Variants in FLNC observed in about 807,000 individuals in gnomAD.
FLNC encodes filamin C.
In FLNC, 91 loss-of-function variants were observed where a neutral mutation model predicts 254.3. The observed-to-expected ratio is 0.36, with a 90% CI of 0.30 to 0.43. The LOEUF (loss-of-function observed/expected upper bound fraction) is 0.43, where lower values mean the gene tolerates loss of function less well. Among genes scored for constraint, FLNC ranks in the 20% least tolerant of loss-of-function variants. The pLI is 1.00. For missense variants in FLNC, 2,853 were observed against 3,802.6 expected, an observed-to-expected ratio of 0.75 and a Z score of 6.57; for synonymous variants, 1,430 against 1,577.2, an observed-to-expected ratio of 0.91 and a Z score of 2.21.
chr7:128,835,609 A>G lies in FLNC; in HGVS notation c.601+35A>G, dbSNP rs750973262. The G allele has an allele frequency of 1.7e-5, 28 of 1,607,966 alleles. No homozygotes were observed. The African/African-American group carries it at 3.1e-4, about 18-fold the overall frequency. ...CCAGTGAGCACAGCATGGAGCCCTT[A>G]GCTCCCAAAGACAGAGGGGACAAGC... On this transcript the variant is annotated intron_variant, in intron 2 of 47. Transcript: ENST00000325888. This position sits in a 1 kb window ranked among gnomAD's most constrained non-coding sequence, Gnocchi z 5.3.
chr7:128,857,377 C>A lies in FLNC; in HGVS notation c.7780+41C>A. Reference sequence around the variant, plus strand: ...GGGGAGGTCCACCCAGCCTGCAGCCCAGCCCAGCCTGGAGGGCTCCGGTGG... The same window carrying A: ...GGGGAGGTCCACCCAGCCTGCAGCCAAGCCCAGCCTGGAGGGCTCCGGTGG... On this transcript the variant is annotated intron_variant, in intron 46 of 47. Coordinates refer to ENST00000325888, the MANE Select transcript of FLNC (RefSeq NM_001458.5). The surrounding 1 kb of genome is among the most constrained non-coding windows in gnomAD (Gnocchi z 4.5). The A allele has an allele frequency of 1.3e-6, 2 of 1,483,040 alleles. No homozygotes were observed. Among genetic ancestry groups the A allele is most frequent in the Non-Finnish European group, 1.9e-6 (2 of 1,066,336 alleles). 91.9% of individuals were successfully genotyped at this position (1,483,040 alleles called of 1,614,324 possible). A position where few individuals can be genotyped will look rare whatever the true frequency, so the allele number is the denominator to read the frequency against.
rs1250140261 is a variant in FLNC, at chr7:128,837,984, T to C, written c.970-3T>C. On this transcript the variant is annotated splice_polypyrimidine_tract_variant and splice_region_variant and intron_variant, in intron 5 of 47. Coordinates refer to ENST00000325888, the MANE Select transcript of FLNC (RefSeq NM_001458.5). ...GGCTTCCAATCTTTTTCCTTCCTAA[T>C]AGGCTAAGGTGGTTCCCAACAATGA... The C allele has an allele frequency of 1.2e-6, 2 of 1,613,380 alleles. No homozygotes were observed. The highest frequency in any genetic ancestry group is 2.2e-5 in the East Asian group (1 of 44,884).
intron 26 of FLNC, 89 bp from the exon 27 acceptor site, chr7:128,848,472 A>G (rs753364803): frequency 3.5e-5 from 47 of 1,359,750 alleles, no homozygotes; most frequent in Non-Finnish European, 4.9e-5. Context: ...GCCCATGTCT[A>G]TGGGGAGGAC....
In FLNC at chr7:128,830,929, G is replaced by C. The variant is rs1195481399; in HGVS notation, c.292G>C (p.Glu98Gln). 1.1e-5 allele frequency: 18 copies of C among 1,612,798 alleles called. No homozygotes were observed. Among genetic ancestry groups the C allele is most frequent in the Non-Finnish European group, 1.5e-5 (18 of 1,179,968 alleles). ...CCCCAACTTCCGCCAAATGAAGCTGGAGAACGTGTCCGTGGCCCTCGAGTT... is the reference window on the plus strand; with the variant it reads ...CCCCAACTTCCGCCAAATGAAGCTGCAGAACGTGTCCGTGGCCCTCGAGTT... ...PRPNFRQMKLENVSVALEFLE... is the reference protein window; with the variant it reads ...PRPNFRQMKLQNVSVALEFLE... Residue 98 changes from glutamate (E) to glutamine (Q), a missense_variant, in exon 1 of 48, where the codon GAG (glutamate) becomes CAG (glutamine). By Grantham distance (29) the Glu-to-Gln change is conservative. Transcript: ENST00000325888.
At chr7:128,843,943 G>T in intron 19 of FLNC, 30 bp downstream of exon 19, 2 of 1,614,042 alleles carry the variant, frequency 1.2e-6, no homozygotes, top group East Asian at 2.2e-5. Context: ...CCCTGGGAGT[G>T]AGGGGTATTC....
Position 128,841,701 on chromosome 7 carries a change from T to A in FLNC, c.2121+134T>A. The stretch of plus-strand genomic sequence containing the variant: ...GAAGATCAGGCAGGACTGATACTCA[T>A]GGGCCCATCAGTACCATGGAAAATT... On this transcript the variant is annotated intron_variant, in intron 13 of 47. Coordinates refer to ENST00000325888, the MANE Select transcript of FLNC (RefSeq NM_001458.5). This position sits in a 1 kb window ranked among gnomAD's most constrained non-coding sequence, Gnocchi z 4.3. 4 of 750,422 alleles carry A rather than the reference T, an allele frequency of 5.3e-6. No homozygotes were observed. 46.5% of individuals were successfully genotyped at this position (750,422 alleles called of 1,614,324 possible). A position where few individuals can be genotyped will look rare whatever the true frequency, so the allele number is the denominator to read the frequency against.
intron 1 of FLNC, among the ~76,000 whole-genome samples, chr7:128,831,612 C>T (rs1807894781): frequency 6.6e-6 from 1 of 152,204 alleles, no homozygotes; most frequent in Non-Finnish European, 1.5e-5. Context: ...CGCGGGGAGA[C>T]TTAACCCCTG....
rs982363930 is a variant in FLNC, at chr7:128,831,444, G to A, written c.352+455G>A. 5.3e-5 allele frequency among the ~76,000 whole-genome samples: 8 copies of A among 152,330 alleles called. No individual in the cohort carries two copies. In the East Asian group the frequency reaches 1.5e-3, roughly 29 times the overall value. The stretch of plus-strand genomic sequence containing the variant: ...CTCCGCGGGCTGGGAGAGGGCTGAA[G>A]ACAGGTCCCCAACCACTGCCCGCGT... On this transcript the variant is annotated intron_variant, in intron 1 of 47. Coordinates refer to ENST00000325888, the MANE Select transcript of FLNC (RefSeq NM_001458.5).
At chr7:128,850,986 G>A in intron 33 of FLNC, 43 bp downstream of exon 33, 1 of 1,604,654 alleles carries the variant, frequency 6.2e-7, no homozygotes, top group Non-Finnish European at 8.5e-7. Context: ...GGTGAGAGGA[G>A]CAGGCCGTAG....
At chr7:128,837,916 C>A in intron 5 of FLNC, 71 bp from the exon 6 acceptor site, 1 of 1,444,432 alleles carries the variant, frequency 6.9e-7, no homozygotes, top group Non-Finnish European at 9.7e-7. Context: ...GGCTGGGGTG[C>A]ATAAGGCACT....
chr7:128,841,180 C>T lies in FLNC; in HGVS notation c.1824C>T (p.Ile608=), dbSNP rs753007069. The change falls in exon 12 of 48, where the codon ATC becomes ATT. Residue 608 remains isoleucine (I), a synonymous_variant. Transcript: ENST00000325888. The surrounding 1 kb of genome is among the most constrained non-coding windows in gnomAD (Gnocchi z 4.3). ...CCCACCTTGCCCCAGGCTTCTCCAT[C>T]GAGGGGCCCTCACAAGCCAAGATCG... ...GTEVGTLGFS[I]EGPSQAKIEC... The T allele has an allele frequency of 8.1e-6, 13 of 1,613,700 alleles. No individual in the cohort carries two copies. Among genetic ancestry groups the T allele is most frequent in the African/African-American group, 4.0e-5 (3 of 74,894 alleles).
Position 128,838,385 on chromosome 7 carries a change from GCAA to G in FLNC, c.1167_1169del (p.Asn390del). 1 of 1,614,052 alleles carries G rather than the reference GCAA, an allele frequency of 6.2e-7. No homozygotes were observed. Among genetic ancestry groups the G allele is most frequent in the Non-Finnish European group, 8.5e-7 (1 of 1,180,002 alleles). Reference sequence around the variant, plus strand: ...CGTGGCCCTGGCCTGGAACCTGTGGGCAATGTGGCCAACAAACCCACCTACTTT... The same window carrying G: ...CGTGGCCCTGGCCTGGAACCTGTGGGTGTGGCCAACAAACCCACCTACTTT... On this transcript the variant is annotated inframe_deletion, in exon 7 of 48. Coordinates refer to ENST00000325888, the MANE Select transcript of FLNC (RefSeq NM_001458.5).
Position 128,852,958 on chromosome 7 carries a change from G to A in FLNC, c.6135G>A (p.Arg2045=). The change falls in exon 37 of 48, where the codon CGG becomes CGA. Residue 2045 remains arginine, a synonymous_variant. Transcript: ENST00000325888. ...PSEIGDASKV[R]VWGKGLSEGH... ...AGATCGGGGACGCCAGCAAGGTGCG[G>A]GTCTGGGGCAAGGGGCTTTCCGAGG... The A allele has an allele frequency of 6.2e-7, 1 of 1,613,582 alleles. No individual in the cohort carries two copies. Among genetic ancestry groups the A allele is most frequent in the Non-Finnish European group, 8.5e-7 (1 of 1,180,034 alleles).
In FLNC at chr7:128,848,631, G is replaced by A. The variant is rs565918031; in HGVS notation, c.4651G>A (p.Ala1551Thr). The change falls in exon 27 of 48, where the codon GCC (alanine) becomes ACC (threonine). Residue 1551 changes from alanine (A) to threonine (T), a missense_variant. Physicochemically the swap from Ala to Thr is moderately conservative, Grantham distance 58 (BLOSUM62 0). This residue lies in a region of FLNC where 1,573 missense variants were observed against 1,883.5 expected (regional missense o/e 0.84). Coordinates refer to ENST00000325888, the MANE Select transcript of FLNC (RefSeq NM_001458.5). ...KVRASGPGLN[A>T]SGIPASLPVE... ...GCGGGCCAGCGGCCCAGGCCTCAAC[G>A]CCTCTGGCATCCCTGCCAGCCTGCC... The A allele has an allele frequency of 2.2e-4, 347 of 1,613,602 alleles. 1 individual carries two copies. The highest frequency in any genetic ancestry group is 2.8e-4 in the Non-Finnish European group (326 of 1,180,026).
chr7:128,835,683 G>T lies in FLNC; in HGVS notation c.601+109G>T. 7.8e-7 allele frequency: 1 copy of T among 1,284,350 alleles called. No individual in the cohort carries two copies. Among genetic ancestry groups the T allele is most frequent in the Admixed American group, 1.8e-5 (1 of 54,708 alleles). 79.6% of individuals were successfully genotyped at this position (1,284,350 alleles called of 1,614,324 possible). ...GTCAGAATGCACACCCTGGGGCCTG[G>T]GGGCCAGGATCCCCTGCAGGGTTTG... is the stretch of plus-strand genomic sequence containing the variant. On this transcript the variant is annotated intron_variant, in intron 2 of 47. Transcript: ENST00000325888. The surrounding 1 kb of genome is among the most constrained non-coding windows in gnomAD (Gnocchi z 5.3).
intron 8 of FLNC, 78 bp downstream of exon 8, chr7:128,838,881 G>C (rs1282735781): frequency 7.1e-7 from 1 of 1,399,596 alleles, no homozygotes; most frequent in African/African-American, 1.4e-5. Flanking sequence ...AAGAGCTGGG[G>C]CGGGGGTCTG....
chr7:128,851,326 C>T lies in FLNC; in HGVS notation c.5634C>T (p.Ala1878=). ...GLSHGMVNKP[A]TFTIVTKDAG... is the part of the protein sequence containing the mutation. ...GCCATGGCATGGTCAACAAGCCAGCCACCTTCACTATTGTCACCAAAGATG... is the reference window on the plus strand; with the variant it reads ...GCCATGGCATGGTCAACAAGCCAGCTACCTTCACTATTGTCACCAAAGATG... Residue 1878 remains alanine, a synonymous_variant, in exon 34 of 48, where the codon GCC becomes GCT. Coordinates refer to ENST00000325888, the MANE Select transcript of FLNC (RefSeq NM_001458.5). 1 of 1,614,166 alleles carries T rather than the reference C, an allele frequency of 6.2e-7. No individual in the cohort carries two copies. The highest frequency in any genetic ancestry group is 8.5e-7 in the Non-Finnish European group (1 of 1,180,042).
intron 31 of FLNC, 81 bp downstream of exon 31, chr7:128,850,155 C>T (rs766265957): frequency 2.1e-5 from 26 of 1,263,778 alleles, no homozygotes; most frequent in Middle Eastern, 4.1e-4. Context: ...GCAGCCAGGG[C>T]GGGGACATGG....
At position 128,830,685 on chromosome 7, in the gene FLNC, T is replaced by A; in HGVS notation, c.48T>A (p.Asp16Glu). 6.2e-7 allele frequency: 1 copy of A among 1,612,786 alleles called. No individual in the cohort carries two copies. Among genetic ancestry groups the A allele is most frequent in the Non-Finnish European group, 8.5e-7 (1 of 1,179,962 alleles). ...CAGACGCCGGCCTCGGCCTGGGCGA[T>A]GAGACAGACGAGATGCCGTCCACGG... Reference protein sequence around the residue: ...GYSDAGLGLGDETDEMPSTEK... With the variant: ...GYSDAGLGLGEETDEMPSTEK... Residue 16 changes from aspartate (D) to glutamate (E), a missense_variant, in exon 1 of 48, where the codon GAT becomes GAA. This residue lies in a region of FLNC where 37 missense variants were observed against 32.7 expected (regional missense o/e 1.13). Transcript: ENST00000325888.
Sources: gnomAD v4.1 joint callset for allele counts (sites outside exome capture counted in the v4.1 genomes callset) on GRCh38, gnomAD v4.1.1 for gene constraint, gnomAD v4.1.1 regional missense constraint, Gnocchi (gnomAD v3.1) non-coding constraint, MANE v1.5 for transcripts, NCBI Gene and HGNC (gene_info 2026-07-23, HGNC 2026-07-21) for gene names.